The following CCDC171 variants were observed in gnomAD, a reference collection of about 807,000 sequenced individuals.
CCDC171 encodes coiled-coil domain containing 171.
A neutral mutation model predicts 168.2 loss-of-function variants in CCDC171; 177 were observed. The observed-to-expected ratio is 1.05, with a 90% CI of 0.93 to 1.19. CCDC171 has a LOEUF of 1.19. Ranked by LOEUF, CCDC171 falls within the 50% of genes most tolerant of loss-of-function variation. The pLI, the probability that CCDC171 is intolerant of heterozygous loss-of-function variation, is 0.00. For missense variants in CCDC171, 1,991 were observed against 1,539.0 expected (o/e 1.29, Z -4.91); for synonymous variants, 687 against 540.8 (o/e 1.27, Z -3.75).
intron 23 of CCDC171, among the ~76,000 whole-genome samples, chr9:15,855,164 A>G (rs2061301091): frequency 6.6e-6 from 1 of 151,770 alleles, no homozygotes; most frequent in South Asian, 2.1e-4. Context: ...CATTAGTGAA[A>G]GTATGATGTC....
intron 25 of CCDC171, among the ~76,000 whole-genome samples, chr9:15,949,035 A>C (rs1417213956): frequency 6.6e-6 from 1 of 152,110 alleles, no homozygotes; most frequent in Non-Finnish European, 1.5e-5. Flanking sequence ...TCAGCTTTCT[A>C]CATATGGCTA....
At chr9:16,002,814 AC>A (rs1832592679) in intron 3 of CCDC171, among the ~76,000 whole-genome samples, 1 of 152,136 alleles carries the variant, frequency 6.6e-6, no homozygotes, top group South Asian at 2.1e-4. Context: ...CCATGTTTGT[AC>A]TGTACTTTTG....
chr9:15,796,764 G>A (rs2058576990), intron 21 of CCDC171, among the ~76,000 whole-genome samples: 1 of 152,122 alleles, frequency 6.6e-6, no homozygotes, highest in Non-Finnish European at 1.5e-5. Context: ...TCAGCCCTGG[G>A]GTTGGGGAGG....
Position 15,744,585 on chromosome 9 carries a change from A to T in CCDC171, c.2362A>T (p.Lys788Ter). The part of the protein sequence containing the change: ...TVEEKKQEEA[K>*]MKKKTFKGLI... ...AGAGGAAAAGAAGCAAGAGGAAGCCAAGATGAAAAAGAAAACATTCAAAGG... is the reference window on the plus strand; with the variant it reads ...AGAGGAAAAGAAGCAAGAGGAAGCCTAGATGAAAAAGAAAACATTCAAAGG... The change falls in exon 17 of 26, where the codon AAG becomes TAG. Residue 788 changes from lysine to a stop codon, truncating the protein, a stop_gained. Coordinates refer to ENST00000380701, the MANE Select transcript of CCDC171 (RefSeq NM_173550.4). LOFTEE classifies it high-confidence loss of function. 20 of 1,614,238 alleles carry T rather than the reference A, an allele frequency of 1.2e-5. No homozygotes were observed. Among genetic ancestry groups the T allele is most frequent in the Non-Finnish European group, 1.5e-5 (18 of 1,180,042 alleles).
the CCDC171 span, among the ~76,000 whole-genome samples, chr9:16,077,248 C>G: frequency 6.6e-6 from 1 of 152,152 alleles, no homozygotes. Context: ...TGATCAAAGT[C>G]CAAACCCTGT....
intron 21 of CCDC171, among the ~76,000 whole-genome samples, chr9:15,838,685 G>T (rs926837202): frequency 1.3e-5 from 2 of 152,164 alleles, no homozygotes; most frequent in African/African-American, 4.8e-5. Flanking sequence ...GCCCACCTCA[G>T]CCGCCCAAAG....
At chr9:15,842,060 C>T (rs2060701988) in intron 21 of CCDC171, among the ~76,000 whole-genome samples, 1 of 138,506 alleles carries the variant, frequency 7.2e-6, no homozygotes, top group African/African-American at 2.7e-5. Context: ...ATTTATTTTT[C>T]TTTAAATGTT....
intron 23 of CCDC171, among the ~76,000 whole-genome samples, chr9:15,855,645 G>C (rs2061322427): frequency 6.6e-6 from 1 of 151,762 alleles, no homozygotes; most frequent in African/African-American, 2.4e-5. Context: ...GTCTGCATTA[G>C]ATAGATCTTT....
Position 15,874,579 on chromosome 9 carries a change from C to A in CCDC171, c.3516C>A (p.Asp1172Glu). 6.2e-7 allele frequency: 1 copy of A among 1,608,058 alleles called. No homozygotes were observed. Among genetic ancestry groups the A allele is most frequent in the Non-Finnish European group, 8.5e-7 (1 of 1,177,310 alleles). ...CATGGTCTGCGGCAAGTAGGAATGA[C>A]TTCACCCTACAGCTACCCAAACTGC... ...SLSWSAASRN[D>E]FTLQLPKLHL... is the part of the protein sequence containing the mutation. Residue 1172 changes from aspartate (D) to glutamate (E), a missense_variant, in exon 24 of 26, where the codon GAC becomes GAA. Transcript: ENST00000380701.
At chr9:15,851,824 A>T (rs2061141491) in intron 23 of CCDC171, among the ~76,000 whole-genome samples, 1 of 151,936 alleles carries the variant, frequency 6.6e-6, no homozygotes, top group South Asian at 2.1e-4. Flanking sequence ...TAAATGGAAT[A>T]ATACAATATG....
intron 25 of CCDC171, chr9:15,922,127 C>A: frequency 2.6e-6 from 1 of 382,694 alleles, no homozygotes; most frequent in Non-Finnish European, 5.6e-6. Context: ...TTCATCATTT[C>A]ATTTAGAAGA....
chr9:15,940,053 C>G (rs1037730219), intron 25 of CCDC171, among the ~76,000 whole-genome samples: 1 of 151,906 alleles, frequency 6.6e-6, no homozygotes, highest in Non-Finnish European at 1.5e-5. Flanking sequence ...TGCGTACACT[C>G]TTTTTGGCAC....
chr9:15,945,392 C>T (rs561792295), intron 25 of CCDC171, among the ~76,000 whole-genome samples: 946 of 132,712 alleles, frequency 7.1e-3, no homozygotes, highest in East Asian at 0.019. Flanking sequence ...TGGGTATATA[C>T]CCAGTAATGG....
At chr9:15,799,138 A>ATATATG (rs2058697056) in intron 21 of CCDC171, among the ~76,000 whole-genome samples, 1 of 30,320 alleles carries the variant, frequency 3.3e-5, no homozygotes, top group Non-Finnish European at 7.8e-5. Flanking sequence ...TCATTGCCAT[A>ATATATG]TATATATATA....
intron 8 of CCDC171, among the ~76,000 whole-genome samples, chr9:15,664,194 A>G (rs1196692859): frequency 6.6e-6 from 1 of 152,138 alleles, no homozygotes; most frequent in Non-Finnish European, 1.5e-5. Flanking sequence ...TACACTAAAA[A>G]TCCAGACTTC....
chr9:15,982,233 T>C (rs903282286), intron 3 of CCDC171, among the ~76,000 whole-genome samples: 4 of 152,164 alleles, frequency 2.6e-5, no homozygotes, highest in Non-Finnish European at 2.9e-5. Context: ...TCTCAGAATT[T>C]CAATTAGCAG....
chr9:16,055,217 GT>G (rs1262484306), intron 1 of CCDC171, among the ~76,000 whole-genome samples: 3 of 152,184 alleles, frequency 2.0e-5, no homozygotes, highest in Non-Finnish European at 2.9e-5. Flanking sequence ...ATCTTTGTTC[GT>G]TTATTTGATA....
At chr9:15,776,276 G>A (rs867114009) in intron 18 of CCDC171, 1 of 152,028 alleles carries the variant, frequency 6.6e-6, no homozygotes, top group Non-Finnish European at 1.5e-5. Flanking sequence ...ATGTGCTGCC[G>A]AAGCGAGCAC....
At chr9:15,671,503 C>CGAGG (rs1251939406) in intron 9 of CCDC171, among the ~76,000 whole-genome samples, 2 of 147,138 alleles carry the variant, frequency 1.4e-5, no homozygotes, top group Non-Finnish European at 3.0e-5. Context: ...TGCTATCCCT[C>CGAGG]CCCCAGCCCC....
Sources: allele counts gnomAD v4.1 joint callset (sites outside exome capture counted in the v4.1 genomes callset), GRCh38; gene constraint gnomAD v4.1.1; transcripts MANE v1.5; gene names NCBI Gene and HGNC (gene_info 2026-07-23, HGNC 2026-07-21).